NKAIN2: variants seen among roughly 807,000 people sequenced by gnomAD.
NKAIN2 encodes the protein sodium/potassium transporting ATPase interacting 2.
NKAIN2 carries 14 observed loss-of-function variants against 32.6 expected under a neutral mutation model. The ratio of observed to expected loss-of-function variants is 0.43; its 90% CI spans 0.28 to 0.67. The LOEUF (loss-of-function observed/expected upper bound fraction) is 0.67. Among genes scored for constraint, NKAIN2 ranks in the 30% least tolerant of loss-of-function variants. NKAIN2 has a pLI of 0.17. For synonymous variants in NKAIN2, 80 were observed against 87.2 expected (o/e 0.92, Z 0.46); for missense variants, 198 against 258.3 (o/e 0.77, Z 1.60).
intron 4 of NKAIN2, among the ~76,000 whole-genome samples, chr6:124,663,177 A>G (rs987040098): frequency 5.9e-5 from 9 of 152,126 alleles, no homozygotes; most frequent in Non-Finnish European, 1.0e-4. Flanking sequence ...CTGTAATCCC[A>G]GCAGTTTGGG....
intron 1 of NKAIN2, among the ~76,000 whole-genome samples, chr6:124,049,202 T>C (rs1263148094): frequency 6.6e-6 from 1 of 152,068 alleles, no homozygotes; most frequent in East Asian, 1.9e-4. Flanking sequence ...TTTTGAGTCA[T>C]ATGTTTTTTC....
chr6:124,616,145 T>C (rs1782878865), intron 3 of NKAIN2, among the ~76,000 whole-genome samples: 1 of 152,146 alleles, frequency 6.6e-6, no homozygotes. Context: ...AACTCTATCC[T>C]CTTCTTCTGG....
intron 1 of NKAIN2, among the ~76,000 whole-genome samples, chr6:124,198,960 C>A (rs1426601451): frequency 1.3e-5 from 2 of 152,158 alleles, no homozygotes; most frequent in African/African-American, 4.8e-5. Flanking sequence ...CGCCTTTCAA[C>A]ATCTTCAGTG....
At chr6:124,514,669 T>C (rs933518093) in intron 3 of NKAIN2, among the ~76,000 whole-genome samples, 1 of 151,974 alleles carries the variant, frequency 6.6e-6, no homozygotes, top group Non-Finnish European at 1.5e-5. Context: ...AGTAGAAAGT[T>C]TCAAGGACTG....
At chr6:124,016,702 C>G (rs991647069) in intron 1 of NKAIN2, among the ~76,000 whole-genome samples, 29 of 152,106 alleles carry the variant, frequency 1.9e-4, no homozygotes, top group African/African-American at 6.5e-4. Flanking sequence ...TTGTTCCAAG[C>G]ATAGTTTTAA....
intron 3 of NKAIN2, among the ~76,000 whole-genome samples, chr6:124,380,887 AG>A (rs775565674): frequency 6.6e-6 from 1 of 152,180 alleles, no homozygotes; most frequent in South Asian, 2.1e-4. Context: ...TACCATGAAA[AG>A]CTCATTGATA....
intron 3 of NKAIN2, among the ~76,000 whole-genome samples, chr6:124,628,053 A>C (rs759440530): frequency 2.6e-5 from 4 of 152,184 alleles, no homozygotes; most frequent in Non-Finnish European, 5.9e-5. Context: ...TTTCACACAC[A>C]TACACATACA....
At chr6:123,831,067 A>G (rs1338128340) in intron 1 of NKAIN2, among the ~76,000 whole-genome samples, 2 of 152,212 alleles carry the variant, frequency 1.3e-5, no homozygotes, top group Admixed American at 1.3e-4. Flanking sequence ...CATGAAGACT[A>G]AAAATGAATT....
rs574972420 is a variant in NKAIN2, at chr6:123,924,627, G to A, written c.54+120373G>A. ...TTACAGTAGAAAGAGAACAGGGATGGGACTAAAAAGACCTGGATCGTTCAG... is the reference window on the plus strand; with the variant it reads ...TTACAGTAGAAAGAGAACAGGGATGAGACTAAAAAGACCTGGATCGTTCAG... On this transcript the variant is annotated intron_variant, in intron 1 of 6. Coordinates refer to ENST00000368417, the MANE Select transcript of NKAIN2 (RefSeq NM_001040214.3). Among the ~76,000 whole-genome samples the A allele has an allele frequency of 3.2e-4, 49 of 152,144 alleles. 1 individual carries two copies. In the East Asian group the frequency reaches 9.3e-3, roughly 29 times the overall value.
intron 3 of NKAIN2, among the ~76,000 whole-genome samples, chr6:124,626,654 T>TATTA (rs774628489): frequency 6.6e-6 from 1 of 152,174 alleles, no homozygotes; most frequent in South Asian, 2.1e-4. Context: ...AGCCGCCCTC[T>TATTA]ATTATTCTGT....
At chr6:124,556,271 C>A (rs925185771) in intron 3 of NKAIN2, among the ~76,000 whole-genome samples, 2 of 152,060 alleles carry the variant, frequency 1.3e-5, no homozygotes, top group Admixed American at 6.6e-5. Flanking sequence ...CTGTGTATAT[C>A]CTTCTTATCC....
At chr6:124,091,377 A>T (rs1784412344) in intron 1 of NKAIN2, among the ~76,000 whole-genome samples, 1 of 151,994 alleles carries the variant, frequency 6.6e-6, no homozygotes, top group Non-Finnish European at 1.5e-5. Flanking sequence ...ACATATTTAT[A>T]TGTTTATATC....
chr6:124,482,149 C>T (rs1044454239), intron 3 of NKAIN2, among the ~76,000 whole-genome samples: 4 of 152,088 alleles, frequency 2.6e-5, no homozygotes, highest in Non-Finnish European at 4.4e-5. Context: ...GAGTTACAAA[C>T]CTCTCAAAAA....
chr6:124,151,488 C>T (rs773581232), intron 1 of NKAIN2, among the ~76,000 whole-genome samples: 3 of 151,942 alleles, frequency 2.0e-5, no homozygotes, highest in Non-Finnish European at 2.9e-5. Flanking sequence ...CAAACACTTA[C>T]GTGTCTGTCT....
chr6:124,793,909 G>T (rs920266117), intron 5 of NKAIN2, among the ~76,000 whole-genome samples: 1 of 152,124 alleles, frequency 6.6e-6, no homozygotes, highest in African/African-American at 2.4e-5. Context: ...GTTCCCCGGG[G>T]AGAATACCAC....
chr6:124,441,695 T>G (rs567849544), intron 3 of NKAIN2, among the ~76,000 whole-genome samples: 1 of 152,082 alleles, frequency 6.6e-6, no homozygotes, highest in African/African-American at 2.4e-5. Flanking sequence ...TTATGTGCAG[T>G]GAAGCAGAGA....
chr6:124,395,804 T>G (rs1773352064), intron 3 of NKAIN2, among the ~76,000 whole-genome samples: 1 of 152,188 alleles, frequency 6.6e-6, no homozygotes, highest in African/African-American at 2.4e-5. Context: ...CTGAAATTGC[T>G]TTATAGGAAA....
intron 1 of NKAIN2, among the ~76,000 whole-genome samples, chr6:123,920,908 G>A (rs1256372590): frequency 5.9e-5 from 9 of 152,086 alleles, no homozygotes; most frequent in East Asian, 3.9e-4. Context: ...ACACATGCCC[G>A]CACACACATA....
At chr6:124,204,751 C>G (rs1370430551) in intron 1 of NKAIN2, among the ~76,000 whole-genome samples, 1 of 151,626 alleles carries the variant, frequency 6.6e-6, no homozygotes. Context: ...TTCTCTTGGA[C>G]ATGGATGAAC....
Sources: allele counts gnomAD v4.1 joint callset (sites outside exome capture counted in the v4.1 genomes callset), GRCh38; gene constraint gnomAD v4.1.1; transcripts MANE v1.5; gene names NCBI Gene and HGNC (gene_info 2026-07-23, HGNC 2026-07-21).